Variants in NHSL1 observed in about 807,000 individuals in gnomAD.
NHSL1 encodes the protein NHS like 1, also known as NHS-like protein 1.
In NHSL1, 48 loss-of-function variants were observed where a neutral mutation model predicts 95.0. The ratio of observed to expected loss-of-function variants is 0.51; its 90% CI spans 0.40 to 0.64. NHSL1 has a LOEUF of 0.64. Among genes scored for constraint, NHSL1 ranks in the 30% least tolerant of loss-of-function variants. The pLI is 0.00. For synonymous variants in NHSL1, 783 were observed against 833.9 expected (o/e 0.94, Z 1.05); for missense variants, 1,971 against 2,077.7 (o/e 0.95, Z 1.00).
Position 138,688,402 on chromosome 6 carries a change from T to C in NHSL1, c.96+4074A>G, listed in dbSNP as rs142965984. 0.01 allele frequency among the ~76,000 whole-genome samples: 1,535 copies of C among 152,038 alleles called. 84 individuals are homozygous for C. In the East Asian group the frequency reaches 0.17, roughly 17 times the overall value. ...GGCTCACGCCTGTAATCTCAGCACT[T>C]TGGGAGGCCGAGGCGGGTGGATCAC... On this transcript the variant is annotated intron_variant, in intron 1 of 3. Transcript: ENST00000491526.
intron 1 of NHSL1, among the ~76,000 whole-genome samples, chr6:138,527,271 A>C (rs972339377): frequency 6.6e-6 from 1 of 151,862 alleles, no homozygotes; most frequent in Non-Finnish European, 1.5e-5. Context: ...GAAAAAAAAA[A>C]CCACTATGAA....
intron 3 of NHSL1, among the ~76,000 whole-genome samples, chr6:138,469,900 C>G (rs1389292257): frequency 6.6e-6 from 1 of 151,990 alleles, no homozygotes; most frequent in Non-Finnish European, 1.5e-5. Context: ...TCCACAGAAT[C>G]AAGAAATGGT....
intron 1 of NHSL1, among the ~76,000 whole-genome samples, chr6:138,651,831 T>C (rs1347990896): frequency 1.3e-5 from 2 of 152,168 alleles, no homozygotes; most frequent in African/African-American, 4.8e-5. Context: ...ATAAATGAGA[T>C]CAATAGAAAA....
At chr6:138,635,897 T>C (rs1262911291) in intron 1 of NHSL1, among the ~76,000 whole-genome samples, 2 of 149,724 alleles carry the variant, frequency 1.3e-5, no homozygotes, top group African/African-American at 2.5e-5. Context: ...GCAGATCACT[T>C]GAGATCAGGA....
intron 1 of NHSL1, among the ~76,000 whole-genome samples, chr6:138,675,753 C>G (rs1220239260): frequency 6.6e-6 from 1 of 152,096 alleles, no homozygotes; most frequent in Non-Finnish European, 1.5e-5. Flanking sequence ...AGGCTGGTCT[C>G]GAACTCCTGA....
chr6:138,639,797 C>CAA (rs56909767), intron 1 of NHSL1, among the ~76,000 whole-genome samples: 1,543 of 22,576 alleles, frequency 0.068, 395 homozygotes, highest in African/African-American at 0.14. Flanking sequence ...GACTCAGTCT[C>CAA]AAAAAAAAAA....
intron 2 of NHSL1, among the ~76,000 whole-genome samples, chr6:138,487,303 G>A (rs1019748414): frequency 5.9e-5 from 9 of 152,174 alleles, no homozygotes; most frequent in Non-Finnish European, 1.3e-4. Context: ...GACCAAGTTC[G>A]TTTTAAAGAT....
chr6:138,499,134 GACACACAC>G (rs55946895), intron 1 of NHSL1, 91 bp downstream of exon 1: 100 of 629,884 alleles, frequency 1.6e-4, no homozygotes, highest in Middle Eastern at 6.7e-4. Context: ...CACACACATG[GACACACAC>G]ACACACACAC....
intron 1 of NHSL1, among the ~76,000 whole-genome samples, chr6:138,615,902 T>C (rs1784572547): frequency 7.0e-6 from 1 of 141,920 alleles, no homozygotes; most frequent in South Asian, 2.4e-4. Context: ...TGTACTGACT[T>C]AGATTACTAC....
At chr6:138,576,134 G>C (rs1169294582), upstream of NHSL1, among the ~76,000 whole-genome samples, 4 of 152,046 alleles carry the variant, frequency 2.6e-5, no homozygotes, top group Non-Finnish European at 4.4e-5. Flanking sequence ...TGGAACTACA[G>C]GCGCGCATCT....
chr6:138,428,920 C>T (rs1387853147), intron 7 of NHSL1, among the ~76,000 whole-genome samples: 3 of 152,190 alleles, frequency 2.0e-5, no homozygotes, highest in Non-Finnish European at 4.4e-5. Flanking sequence ...TACAGCATTA[C>T]GGCTTAACGT....
intron 1 of NHSL1, among the ~76,000 whole-genome samples, chr6:138,632,442 C>G (rs1784831538): frequency 6.6e-6 from 1 of 152,202 alleles, no homozygotes; most frequent in Admixed American, 6.5e-5. Context: ...GACTTCAGTT[C>G]TGACCCAGCG....
chr6:138,638,082 AT>A (rs1774207223), intron 1 of NHSL1, among the ~76,000 whole-genome samples: 1 of 152,236 alleles, frequency 6.6e-6, no homozygotes, highest in Non-Finnish European at 1.5e-5. Context: ...ACTAGAGGTC[AT>A]TATGTTAAGT....
At chr6:138,456,719 G>A (rs766669951) in intron 3 of NHSL1, among the ~76,000 whole-genome samples, 15 of 152,100 alleles carry the variant, frequency 9.9e-5, no homozygotes, top group Non-Finnish European at 2.1e-4. Context: ...AAGTATTTTC[G>A]CACTGATAAC....
At chr6:138,564,415 G>A (rs571801809) in intron 1 of NHSL1, among the ~76,000 whole-genome samples, 7 of 152,162 alleles carry the variant, frequency 4.6e-5, no homozygotes, top group African/African-American at 7.2e-5. Context: ...CCTGTAATCC[G>A]AGCACTTTGG....
At chr6:138,590,208 G>A (rs946327573) in intron 1 of NHSL1, among the ~76,000 whole-genome samples, 1 of 152,162 alleles carries the variant, frequency 6.6e-6, no homozygotes, top group African/African-American at 2.4e-5. Context: ...TTGTTGGCCA[G>A]GCTGGTCTCA....
intron 1 of NHSL1, among the ~76,000 whole-genome samples, chr6:138,654,813 C>T (rs542550359): frequency 2.0e-5 from 3 of 151,988 alleles, no homozygotes; most frequent in Non-Finnish European, 4.4e-5. Flanking sequence ...AAAGCTGTTA[C>T]GAGGTGGGGA....
At chr6:138,626,530 T>C (rs1357006206) in intron 1 of NHSL1, among the ~76,000 whole-genome samples, 1 of 152,176 alleles carries the variant, frequency 6.6e-6, no homozygotes, top group Non-Finnish European at 1.5e-5. Flanking sequence ...TTCGAGCCCA[T>C]GGTAAGTTCT....
intron 1 of NHSL1, among the ~76,000 whole-genome samples, chr6:138,663,315 C>T (rs1293993217): frequency 6.6e-6 from 1 of 152,012 alleles, no homozygotes; most frequent in Non-Finnish European, 1.5e-5. Context: ...CATCCCAGCA[C>T]TTTGGGAGGC....
Sources: allele counts gnomAD v4.1 joint callset (sites outside exome capture counted in the v4.1 genomes callset), GRCh38; gene constraint gnomAD v4.1.1; transcripts MANE v1.5; gene names NCBI Gene and HGNC (gene_info 2026-07-23, HGNC 2026-07-21).